F8: variants seen among roughly 807,000 people sequenced by gnomAD.
F8 encodes the protein antihemophilic factor.
A neutral mutation model predicts 140.6 loss-of-function variants in F8; 12 were observed. The observed-to-expected ratio is 0.09, with a 90% CI of 0.05 to 0.14. F8 has a LOEUF of 0.14. Among genes scored for constraint, F8 ranks in the 10% least tolerant of loss-of-function variants. The pLI, the probability that F8 is intolerant of heterozygous loss-of-function variation, is 1.00. For missense variants in F8, 1,354 were observed against 1,720.7 expected, an observed-to-expected ratio of 0.79 and a Z score of 3.77; for synonymous variants, 585 against 614.6, an observed-to-expected ratio of 0.95 and a Z score of 0.71.
chrX:154,976,833 C>A (rs909860014), intron 6 of F8, among the ~76,000 whole-genome samples: 1 of 111,701 alleles, frequency 9.0e-6, no homozygotes, highest in Non-Finnish European at 1.9e-5. Context: ...GAACAAAAAA[C>A]CAAACACTCT....
intron 21 of F8, among the ~76,000 whole-genome samples, chrX:154,897,290 C>T (rs1350371750): frequency 8.9e-6 from 1 of 112,429 alleles, no homozygotes; most frequent in Non-Finnish European, 1.9e-5. Flanking sequence ...GACTGGTCAT[C>T]ACTCTTATGC....
rs1164730886 is a variant in F8, at chrX:154,929,609, G to A, written c.4181C>T (p.Thr1394Met). ...TGCTTGAGGGATGCTATGACTCCTC[G>A]TAAGGCAATCTGATAAGGGAGACTG... ...ITQSPLSDCL[T>M]RSHSIPQANR... is the part of the protein sequence containing the mutation. Residue 1394 changes from threonine (T) to methionine (M), a missense_variant, in exon 14 of 26, where the codon ACG becomes ATG. Physicochemically the swap from Thr to Met is moderately conservative, Grantham distance 81. This residue lies in a region of F8 where 658 missense variants were observed against 666.5 expected (regional missense o/e 0.99). Transcript: ENST00000360256. The A allele has an allele frequency of 8.3e-6, 10 of 1,209,139 alleles. No homozygotes were observed. The highest frequency in any genetic ancestry group is 7.0e-5 in the South Asian group (4 of 56,742).
At chrX:154,985,713 T>G (rs1359509287) in intron 5 of F8, among the ~76,000 whole-genome samples, 1 of 112,332 alleles carries the variant, frequency 8.9e-6, no homozygotes, top group Non-Finnish European at 1.9e-5. Context: ...AACACATATT[T>G]ATTGAGCACT....
chrX:154,927,104 T>G (rs926914730), intron 14 of F8, among the ~76,000 whole-genome samples: 18 of 111,603 alleles, frequency 1.6e-4, no homozygotes, highest in African/African-American at 5.5e-4. Context: ...TACTGAGAAT[T>G]CAAATAAGAT....
At position 154,929,326 on chromosome X, in the gene F8, T is replaced by G; in HGVS notation, c.4464A>C (p.Ser1488=). 1 of 1,212,171 alleles carries G rather than the reference T, an allele frequency of 8.2e-7. No homozygotes were observed. The stretch of plus-strand genomic sequence containing the variant: ...TGTTCTCAACTTTCTTGTATGTGAC[T>G]GAATTTGTGGCACTTGTCCCCAGGG... ...VGSLGTSATN[S]VTYKKVENTV... The change falls in exon 14 of 26, where the codon TCA becomes TCC. Residue 1488 remains serine, a synonymous_variant. Transcript: ENST00000360256.
At chrX:155,022,341 C>T (rs2073763838) in intron 1 of F8, 69 bp downstream of exon 1, 3 of 1,105,305 alleles carry the variant, frequency 2.7e-6, no homozygotes, top group Admixed American at 2.2e-5. Context: ...GATGTCTGCA[C>T]CTTCCTCCAA....
chrX:154,907,845 T>C (rs1323323080), intron 14 of F8, among the ~76,000 whole-genome samples: 2 of 111,906 alleles, frequency 1.8e-5, no homozygotes, highest in African/African-American at 6.5e-5. Flanking sequence ...AAATCTATTA[T>C]ATAAGTTTCC....
intron 1 of F8, among the ~76,000 whole-genome samples, chrX:155,000,876 A>AC (rs1378287367): frequency 9.0e-6 from 1 of 111,412 alleles, no homozygotes. Flanking sequence ...TGAAGAAAGA[A>AC]CCCCAAATAT....
intron 13 of F8, among the ~76,000 whole-genome samples, chrX:154,935,020 T>C (rs1191922167): frequency 1.8e-5 from 2 of 109,335 alleles, no homozygotes; most frequent in African/African-American, 6.7e-5. Flanking sequence ...AAAGTTAGCC[T>C]GGCATGATGG....
chrX:154,967,027 C>G (rs782145877), intron 7 of F8, among the ~76,000 whole-genome samples: 2 of 111,182 alleles, frequency 1.8e-5, no homozygotes, highest in South Asian at 7.7e-4. Flanking sequence ...CCACCAGACC[C>G]CACCTCCAGC....
At chrX:154,868,619 T>C (rs1248119135) in intron 22 of F8, among the ~76,000 whole-genome samples, 1 of 111,890 alleles carries the variant, frequency 8.9e-6, no homozygotes, top group East Asian at 2.8e-4. Context: ...ACATTGACAC[T>C]ATGAAGAAAC....
intron 22 of F8, among the ~76,000 whole-genome samples, chrX:154,863,752 C>A: frequency 9.0e-6 from 1 of 111,724 alleles, no homozygotes; most frequent in Admixed American, 9.4e-5. Flanking sequence ...AAGATGAATA[C>A]TTTAATAAGG....
At chrX:154,866,513 A>T (rs1046246688) in intron 22 of F8, among the ~76,000 whole-genome samples, 2 of 112,235 alleles carry the variant, frequency 1.8e-5, no homozygotes, top group Non-Finnish European at 3.8e-5. Context: ...ATTTAAGAAG[A>T]TTAATATCAT....
intron 6 of F8, among the ~76,000 whole-genome samples, chrX:154,982,229 C>T (rs1314068325): frequency 3.8e-5 from 4 of 104,619 alleles, no homozygotes; most frequent in African/African-American, 1.1e-4. Flanking sequence ...GGGTGGATCA[C>T]GAGGTCAGGA....
intron 13 of F8, among the ~76,000 whole-genome samples, chrX:154,939,217 C>T (rs951907097): frequency 1.1e-4 from 12 of 112,042 alleles, no homozygotes. Flanking sequence ...CAGGGCGAGG[C>T]ATCGCCTCAC....
At chrX:154,888,380 ATTT>A (rs782710109) in intron 22 of F8, among the ~76,000 whole-genome samples, 21 of 22,217 alleles carry the variant, frequency 9.5e-4, no homozygotes, top group East Asian at 1.9e-3. Context: ...TGTAATAGGG[ATTT>A]TTTTTTTTTT....
intron 1 of F8, among the ~76,000 whole-genome samples, chrX:155,020,352 T>TA (rs1453040362): frequency 8.9e-6 from 1 of 112,276 alleles, no homozygotes; most frequent in Non-Finnish European, 1.9e-5. Context: ...TCTCATGCCA[T>TA]ATGACAAAAG....
chrX:154,944,325 A>C (rs1557280112), intron 13 of F8, among the ~76,000 whole-genome samples: 1 of 110,033 alleles, frequency 9.1e-6, no homozygotes, highest in Non-Finnish European at 1.9e-5. Flanking sequence ...ATTTACAAGA[A>C]AAAAACAAAC....
At chrX:154,993,375 C>T (rs1221270878) in intron 3 of F8, among the ~76,000 whole-genome samples, 1 of 111,814 alleles carries the variant, frequency 8.9e-6, no homozygotes, top group Non-Finnish European at 1.9e-5. Flanking sequence ...CTGCCTCAGA[C>T]TCCCCAGCAG....
Sources: allele counts gnomAD v4.1 joint callset (sites outside exome capture counted in the v4.1 genomes callset), GRCh38; gene constraint gnomAD v4.1.1; regional missense constraint gnomAD v4.1.1; transcripts MANE v1.5; gene names NCBI Gene and HGNC (gene_info 2026-07-23, HGNC 2026-07-21).